TMCO5A: variants seen among roughly 807,000 people sequenced by gnomAD.
TMCO5A encodes transmembrane and coiled-coil domains 5A.
A neutral mutation model predicts 42.3 loss-of-function variants in TMCO5A; 34 were observed. That is an observed-to-expected ratio of 0.80 (90% CI 0.61 to 1.07). The LOEUF is 1.07. Among genes scored for constraint, TMCO5A ranks in the 50% least tolerant of loss-of-function variants. TMCO5A has a pLI of 0.00. For missense variants in TMCO5A, 357 were observed against 327.9 expected (o/e 1.09, Z -0.69); for synonymous variants, 131 against 115.6 (o/e 1.13, Z -0.86).
chr15:37,939,491 C>A (rs922281031), intron 6 of TMCO5A, among the ~76,000 whole-genome samples: 2 of 152,102 alleles, frequency 1.3e-5, no homozygotes, highest in East Asian at 3.9e-4. Flanking sequence ...TCCAAGATCA[C>A]CTCTTTTTCC....
the TMCO5A span, among the ~76,000 whole-genome samples, chr15:37,989,860 A>T: frequency 6.6e-6 from 1 of 151,874 alleles, no homozygotes; most frequent in African/African-American, 2.4e-5. Flanking sequence ...AAGAAAACCC[A>T]CTCCTGCATG....
At chr15:37,935,987 A>G (rs1257272224) in intron 2 of TMCO5A, 1 of 174,644 alleles carries the variant, frequency 5.7e-6, no homozygotes, top group Non-Finnish European at 1.2e-5. Flanking sequence ...TTTATCTAAG[A>G]AAAGATTGCC....
the TMCO5A span, among the ~76,000 whole-genome samples, chr15:37,984,585 A>G: frequency 6.6e-6 from 1 of 152,082 alleles, no homozygotes. Context: ...TCAAACTTCA[A>G]ATATTGAAAC....
the TMCO5A span, among the ~76,000 whole-genome samples, chr15:37,977,832 C>T: frequency 1.8e-3 from 281 of 152,310 alleles, 1 homozygote; most frequent in African/African-American, 6.4e-3. Flanking sequence ...GGGCCCTTAC[C>T]AATCTGGGAG....
the TMCO5A span, among the ~76,000 whole-genome samples, chr15:38,016,271 A>C: frequency 6.6e-6 from 1 of 152,212 alleles, no homozygotes; most frequent in African/African-American, 2.4e-5. Flanking sequence ...GAAATGAAAA[A>C]GGAATTTATA....
At chr15:38,012,619 T>C in the TMCO5A span, among the ~76,000 whole-genome samples, 1 of 152,206 alleles carries the variant, frequency 6.6e-6, no homozygotes, top group East Asian at 1.9e-4. Flanking sequence ...ATACACAATA[T>C]GTACTCAGGA....
At chr15:37,998,554 C>T in the TMCO5A span, among the ~76,000 whole-genome samples, 1 of 152,058 alleles carries the variant, frequency 6.6e-6, no homozygotes, top group South Asian at 2.1e-4. Context: ...TTCCATTGCT[C>T]TCTGTGTCTG....
downstream of TMCO5A, among the ~76,000 whole-genome samples, chr15:37,968,731 C>T (rs183070361): frequency 1.8e-4 from 28 of 151,910 alleles, no homozygotes; most frequent in Admixed American, 3.3e-4. Context: ...TACAGGCGCC[C>T]ACCACCACGC....
At chr15:37,993,329 C>T in the TMCO5A span, 5 of 149,996 alleles carry the variant, frequency 3.3e-5, no homozygotes, top group South Asian at 2.1e-4. Flanking sequence ...TGAAGTAATT[C>T]GGAAAAGAAG....
chr15:37,951,347 T>A lies in TMCO5A; in HGVS notation c.*113T>A, dbSNP rs1470379791. 2.0e-6 allele frequency: 2 copies of A among 1,018,698 alleles called. No homozygotes were observed. The highest frequency in any genetic ancestry group is 5.0e-5 in the East Asian group (2 of 40,242). The allele number at this position is 1,018,698 out of a possible 1,614,324, so 63.1% of individuals were successfully genotyped here. On this transcript the variant is annotated 3_prime_UTR_variant, in exon 12 of 12. Transcript: ENST00000319669. ...TTGCTTCAGTTTTTTCCTCACCGTT[T>A]GCCTGCTTGACTACCTTCTGTCACC...
intron 7 of TMCO5A, 134 bp downstream of exon 7, chr15:37,941,339 A>T: frequency 2.3e-6 from 2 of 872,826 alleles, no homozygotes; most frequent in Admixed American, 4.8e-5. Context: ...AGGGAGGGGT[A>T]AAGAAAAGGA....
At chr15:37,983,922 G>A in the TMCO5A span, among the ~76,000 whole-genome samples, 40 of 151,942 alleles carry the variant, frequency 2.6e-4, no homozygotes, top group African/African-American at 8.7e-4. Flanking sequence ...ACGTAGAGAC[G>A]GGGTTTCACC....
chr15:37,961,400 G>C (rs545524464), intron 11 of TMCO5A, among the ~76,000 whole-genome samples: 1 of 152,142 alleles, frequency 6.6e-6, no homozygotes, highest in South Asian at 2.1e-4. Context: ...ATTGGTCTAT[G>C]TGCCTATTTT....
chr15:38,008,234 A>G, the TMCO5A span, among the ~76,000 whole-genome samples: 1 of 152,072 alleles, frequency 6.6e-6, no homozygotes, highest in Non-Finnish European at 1.5e-5. Flanking sequence ...GCAAGAGTGC[A>G]GACTCTCCCA....
At chr15:37,976,856 G>A in the TMCO5A span, among the ~76,000 whole-genome samples, 1 of 144,284 alleles carries the variant, frequency 6.9e-6, no homozygotes, top group Admixed American at 7.1e-5. Flanking sequence ...CACAATCTCG[G>A]CTCATTACAA....
downstream of TMCO5A, among the ~76,000 whole-genome samples, chr15:37,953,566 T>G (rs1261394130): frequency 6.6e-6 from 1 of 152,044 alleles, no homozygotes; most frequent in African/African-American, 2.4e-5. Context: ...AAAGTCCTTT[T>G]GAATATCTGG....
At chr15:37,996,910 C>T in the TMCO5A span, among the ~76,000 whole-genome samples, 3 of 152,172 alleles carry the variant, frequency 2.0e-5, no homozygotes, top group African/African-American at 7.2e-5. Flanking sequence ...AACCCTCCAA[C>T]TTTAGCCCAG....
At position 37,936,766 on chromosome 15, in the gene TMCO5A, C is replaced by T. The variant is rs1357740108; in HGVS notation, c.141-81C>T. 4 of 1,573,332 alleles carry T rather than the reference C, an allele frequency of 2.5e-6. No individual in the cohort carries two copies. The African/African-American group carries it at 5.4e-5, about 21-fold the overall frequency. Reference sequence around the variant, plus strand: ...ATTCATGTACACTGTCCCTGAAGTTCCCTTATATCTGAAATCTGTGTTTTA... The same window carrying T: ...ATTCATGTACACTGTCCCTGAAGTTTCCTTATATCTGAAATCTGTGTTTTA... On this transcript the variant is annotated intron_variant, in intron 3 of 11. Transcript: ENST00000319669.
chr15:37,937,039 G>A, intron 4 of TMCO5A, 69 bp downstream of exon 4: 3 of 1,588,678 alleles, frequency 1.9e-6, no homozygotes, highest in Non-Finnish European at 2.6e-6. Context: ...TCAATTATCA[G>A]ATAAGCTTGT....
Sources: allele counts gnomAD v4.1 joint callset (sites outside exome capture counted in the v4.1 genomes callset), GRCh38; gene constraint gnomAD v4.1.1; transcripts MANE v1.5; gene names NCBI Gene and HGNC (gene_info 2026-07-23, HGNC 2026-07-21).